The following ELF1 variants were observed in gnomAD, a reference collection of about 807,000 sequenced individuals.
ELF1 encodes the protein ETS-related transcription factor Elf-1.
A neutral mutation model predicts 59.9 loss-of-function variants in ELF1; 24 were observed. The observed-to-expected ratio is 0.40, with a 90% CI of 0.29 to 0.56. The LOEUF (loss-of-function observed/expected upper bound fraction) is 0.56. Ranked by LOEUF, ELF1 falls within the 20% of genes least tolerant of loss-of-function variation. The pLI, the probability that ELF1 is intolerant of heterozygous loss-of-function variation, is 0.44. For missense variants in ELF1, 627 were observed against 742.2 expected (o/e 0.84, Z 1.80); for synonymous variants, 248 against 266.2 (o/e 0.93, Z 0.67).
chr13:40,963,326 T>C (rs1871962956), intron 2 of ELF1, among the ~76,000 whole-genome samples: 1 of 152,222 alleles, frequency 6.6e-6, no homozygotes, highest in African/African-American at 2.4e-5. Flanking sequence ...GGTGGAGGTA[T>C]GAGTTTCACT....
At chr13:40,935,404 T>C (rs984343327) in intron 8 of ELF1, among the ~76,000 whole-genome samples, 4 of 152,314 alleles carry the variant, frequency 2.6e-5, no homozygotes, top group African/African-American at 9.6e-5. Context: ...AAGTTAGTTA[T>C]GCAGTCTGTT....
intron 1 of ELF1, among the ~76,000 whole-genome samples, chr13:41,055,141 G>A (rs559509639): frequency 2.6e-5 from 4 of 152,266 alleles, no homozygotes; most frequent in Middle Eastern, 3.4e-3. Flanking sequence ...AGCGGGAGGA[G>A]GATATGTCCC....
chr13:41,016,028 C>T lies in ELF1; in HGVS notation c.-229+3200G>A, dbSNP rs201207909. Among the ~76,000 whole-genome samples the T allele has an allele frequency of 3.3e-5, 5 of 152,284 alleles. No homozygotes were observed. In the East Asian group the frequency reaches 9.6e-4, roughly 29 times the overall value. ...TAAATGCTATTCAACGTTCAGCATT[C>T]ATCATTCCTTCAAGATAAACTCTCC... is the stretch of plus-strand genomic sequence containing the variant. On this transcript the variant is annotated intron_variant, in intron 1 of 8. Coordinates refer to ENST00000239882, the MANE Select transcript of ELF1 (RefSeq NM_172373.4).
chr13:40,994,010 A>G (rs9594472), intron 1 of ELF1, among the ~76,000 whole-genome samples: 27,437 of 118,866 alleles, frequency 0.23, 2,637 homozygotes, highest in Non-Finnish European at 0.26. Flanking sequence ...TGCTAATAAT[A>G]AAAAAAAAAA....
At chr13:40,967,625 C>T (rs1872262590) in intron 2 of ELF1, among the ~76,000 whole-genome samples, 1 of 152,134 alleles carries the variant, frequency 6.6e-6, no homozygotes. Flanking sequence ...CAGGGTCTTG[C>T]TCTGTCGCCT....
At chr13:41,051,582 G>T (rs532243150) in intron 1 of ELF1, among the ~76,000 whole-genome samples, 15 of 152,110 alleles carry the variant, frequency 9.9e-5, no homozygotes, top group Middle Eastern at 3.4e-3. Flanking sequence ...GGATAAAAAA[G>T]TTTCATATAG....
chr13:41,056,951 G>T (rs559513605), intron 1 of ELF1, among the ~76,000 whole-genome samples: 21 of 152,226 alleles, frequency 1.4e-4, no homozygotes, highest in African/African-American at 4.6e-4. Flanking sequence ...CAAAAAGGAA[G>T]CCTACGTAGC....
chr13:40,958,069 CCAAA>C (rs1871565210), intron 3 of ELF1, among the ~76,000 whole-genome samples: 2 of 152,122 alleles, frequency 1.3e-5, no homozygotes, highest in African/African-American at 2.4e-5. Context: ...ATATTTGCTT[CCAAA>C]CAGTTTTCTC....
intron 1 of ELF1, among the ~76,000 whole-genome samples, chr13:41,034,926 T>C (rs747841206): frequency 1.9e-4 from 29 of 152,218 alleles, no homozygotes; most frequent in Middle Eastern, 3.4e-3. Flanking sequence ...CAGCATATAC[T>C]CTACATCTGA....
Position 40,963,421 on chromosome 13 carries a change from C to T in ELF1, c.73-4405G>A, listed in dbSNP as rs74046670. ...GTTCTTCTTGGTCAGCAGGGCACTT[C>T]CCAGGATCACTCCTAATTTAGTCCT... On this transcript the variant is annotated intron_variant, in intron 2 of 8. Coordinates refer to ENST00000239882, the MANE Select transcript of ELF1 (RefSeq NM_172373.4). Among the ~76,000 whole-genome samples, 1,026 of 152,304 alleles carry T rather than the reference C, an allele frequency of 6.7e-3. 9 individuals are homozygous for T. The highest frequency in any genetic ancestry group is 0.024 in the African/African-American group (979 of 41,568).
chr13:40,987,997 T>C (rs1303691557), intron 1 of ELF1, among the ~76,000 whole-genome samples: 4 of 152,358 alleles, frequency 2.6e-5, no homozygotes, highest in African/African-American at 2.4e-5. Context: ...AGTGAAGTTA[T>C]ACCAAGTAGA....
rs186387628 is a variant in ELF1 at position 41,047,216 on chromosome 13, G to A, written c.-229+13622C>T. Among the ~76,000 whole-genome samples the A allele has an allele frequency of 3.9e-3, 588 of 152,138 alleles. 4 individuals carry two copies. The highest frequency in any genetic ancestry group is 0.011 in the South Asian group (52 of 4,814). On this transcript the variant is annotated intron_variant, in intron 1 of 1. Coordinates refer to the ELF1 transcript ENST00000405737. ...CAAGGTTTTTAGCTTCTTTGCCATGGGTTCAAACTTCCTGCTTTAGCTCAG... is the reference window on the plus strand; with the variant it reads ...CAAGGTTTTTAGCTTCTTTGCCATGAGTTCAAACTTCCTGCTTTAGCTCAG...
At chr13:40,992,437 T>C (rs1261302182) in intron 1 of ELF1, among the ~76,000 whole-genome samples, 1 of 152,248 alleles carries the variant, frequency 6.6e-6, no homozygotes, top group Non-Finnish European at 1.5e-5. Flanking sequence ...AAAATGTTTA[T>C]TTCTAACTGT....
At chr13:41,038,686 T>TA (rs1262538608) in intron 1 of ELF1, among the ~76,000 whole-genome samples, 1 of 152,168 alleles carries the variant, frequency 6.6e-6, no homozygotes, top group Non-Finnish European at 1.5e-5. Context: ...AAGTATGGAA[T>TA]AAAATATGGA....
intron 1 of ELF1, among the ~76,000 whole-genome samples, chr13:41,046,584 C>T (rs1033151572): frequency 2.6e-5 from 4 of 152,206 alleles, no homozygotes; most frequent in Non-Finnish European, 5.9e-5. Flanking sequence ...GTTGAAAACT[C>T]TTTTCTTTAA....
chr13:40,976,132 A>G (rs552756978), intron 2 of ELF1, among the ~76,000 whole-genome samples: 1 of 152,358 alleles, frequency 6.6e-6, no homozygotes, highest in South Asian at 2.1e-4. Context: ...TTAAATATGC[A>G]ACAGGTATGA....
At chr13:41,022,152 A>G (rs2138395196), upstream of ELF1, among the ~76,000 whole-genome samples, 1 of 152,336 alleles carries the variant, frequency 6.6e-6, no homozygotes, top group African/African-American at 2.4e-5. Context: ...AACCCAAATA[A>G]TGTCCATCAA....
At chr13:40,945,213 T>C (rs1235259131) in intron 5 of ELF1, among the ~76,000 whole-genome samples, 1 of 152,172 alleles carries the variant, frequency 6.6e-6, no homozygotes, top group Non-Finnish European at 1.5e-5. Flanking sequence ...TTCCACTACT[T>C]TCCTCCACTA....
intron 8 of ELF1, among the ~76,000 whole-genome samples, chr13:40,935,735 G>A (rs1869723799): frequency 6.7e-6 from 1 of 150,342 alleles, no homozygotes; most frequent in African/African-American, 2.5e-5. Context: ...GTGCAGTGGT[G>A]TGATCTCAGC....
Sources: allele counts gnomAD v4.1 joint callset (sites outside exome capture counted in the v4.1 genomes callset), GRCh38; gene constraint gnomAD v4.1.1; transcripts MANE v1.5; gene names NCBI Gene and HGNC (gene_info 2026-07-23, HGNC 2026-07-21).